NUBP1: variants seen among roughly 807,000 people sequenced by gnomAD.
NUBP1 encodes the protein cytosolic Fe-S cluster assembly factor NUBP1.
Under a neutral mutation model 41.8 loss-of-function variants are expected in NUBP1, and 46 were observed. The ratio of observed to expected loss-of-function variants is 1.10; its 90% CI spans 0.87 to 1.41. The LOEUF (loss-of-function observed/expected upper bound fraction) is 1.41. Ranked by LOEUF, NUBP1 falls within the 40% of genes most tolerant of loss-of-function variation. The probability of loss-of-function intolerance (pLI) is 0.00; values close to 1 mark genes in which losing one functional copy is unlikely to be tolerated. For synonymous variants in NUBP1, 189 were observed against 154.6 expected (o/e 1.22, Z -1.65); for missense variants, 494 against 414.0 (o/e 1.19, Z -1.68).
At chr16:10,753,290 C>T (rs935608283) in intron 4 of NUBP1, among the ~76,000 whole-genome samples, 26 of 152,150 alleles carry the variant, frequency 1.7e-4, no homozygotes, top group Admixed American at 1.2e-3. Context: ...AAGTAAGACA[C>T]GGAAATTTAG....
At chr16:10,750,092 G>A (rs1900250341) in intron 3 of NUBP1, among the ~76,000 whole-genome samples, 1 of 152,170 alleles carries the variant, frequency 6.6e-6, no homozygotes, top group South Asian at 2.1e-4. Context: ...CAGCTACTCA[G>A]GAGACTGAGG....
In NUBP1 at chr16:10,765,611, C is replaced by T. The variant is rs1044552072; in HGVS notation, c.821-2338C>T. On this transcript the variant is annotated intron_variant, in intron 9 of 10. Coordinates refer to ENST00000283027, the MANE Select transcript of NUBP1 (RefSeq NM_002484.4). The surrounding 1 kb of genome is among the most constrained non-coding windows in gnomAD (Gnocchi z 4.0). ...ATTGTCTGACAGATCAGGAAGTGACCTTGGGGCTATTAGATCCTGATACGG... is the reference window on the plus strand; with the variant it reads ...ATTGTCTGACAGATCAGGAAGTGACTTTGGGGCTATTAGATCCTGATACGG... Among the ~76,000 whole-genome samples the T allele has an allele frequency of 6.6e-6, 1 of 152,210 alleles. No homozygotes were observed. The highest frequency in any genetic ancestry group is 1.5e-5 in the Non-Finnish European group (1 of 68,038).
chr16:10,751,693 C>T (rs1490319680), intron 3 of NUBP1, among the ~76,000 whole-genome samples: 1 of 152,182 alleles, frequency 6.6e-6, no homozygotes, highest in African/African-American at 2.4e-5. Flanking sequence ...ATGGGGTCGC[C>T]TGAAGCTGCA....
In NUBP1 at chr16:10,752,616, C is replaced by T; in HGVS notation, c.265C>T (p.Leu89Phe). The change falls in exon 4 of 11, where the codon CTT becomes TTT. Residue 89 changes from leucine (L) to phenylalanine (F), a missense_variant. Coordinates refer to ENST00000283027, the MANE Select transcript of NUBP1 (RefSeq NM_002484.4). ...GGTCTCTTCTTGTCCCCAGATTGCT[C>T]TTCTAGACATCGATATATGTGGGCC... ...LAEDENTQIA[L>F]LDIDICGPSI... 1.2e-6 allele frequency: 2 copies of T among 1,613,500 alleles called. No homozygotes were observed. Among genetic ancestry groups the T allele is most frequent in the Non-Finnish European group, 8.5e-7 (1 of 1,179,604 alleles).
chr16:10,747,662 A>C lies in NUBP1; in HGVS notation c.258+386A>C, dbSNP rs1313054740. Among the ~76,000 whole-genome samples the C allele has an allele frequency of 3.3e-5, 5 of 152,314 alleles. 1 individual carries two copies. In the East Asian group the frequency reaches 9.6e-4, roughly 29 times the overall value. On this transcript the variant is annotated intron_variant, in intron 3 of 10. Coordinates refer to ENST00000283027, the MANE Select transcript of NUBP1 (RefSeq NM_002484.4). ...GAAAAAAAAATGATTCCTTATACTAAGTTGAATTGGCCTCTTTGGAATCTC... is the reference window on the plus strand; with the variant it reads ...GAAAAAAAAATGATTCCTTATACTACGTTGAATTGGCCTCTTTGGAATCTC...
rs1284768824 is a variant in NUBP1, at chr16:10,759,874, A to G, written c.607-1490A>G. On this transcript the variant is annotated intron_variant, in intron 7 of 10. Transcript: ENST00000283027. This position sits in a 1 kb window ranked among gnomAD's most constrained non-coding sequence, Gnocchi z 4.7. ...ATCCCAGCCTCAGTGTCAAGAGCCA[A>G]ACAGGCATCTCAGGAAAAGAACAGG... Among the ~76,000 whole-genome samples the G allele has an allele frequency of 6.6e-6, 1 of 152,248 alleles. No homozygotes were observed. Among genetic ancestry groups the G allele is most frequent in the Non-Finnish European group, 1.5e-5 (1 of 68,036 alleles).
At chr16:10,754,164 A>G (rs1199033425) in intron 4 of NUBP1, among the ~76,000 whole-genome samples, 1 of 152,188 alleles carries the variant, frequency 6.6e-6, no homozygotes, top group Non-Finnish European at 1.5e-5. Context: ...CTCTTTTAAG[A>G]CAAATGGACT....
intron 9 of NUBP1, among the ~76,000 whole-genome samples, chr16:10,764,720 T>A (rs2030598873): frequency 6.6e-6 from 1 of 151,390 alleles, no homozygotes; most frequent in Admixed American, 6.6e-5. Flanking sequence ...TGCTGGAGTA[T>A]GTCAGTCTGT....
chr16:10,762,771 C>T (rs191149519), intron 9 of NUBP1, among the ~76,000 whole-genome samples: 15 of 145,570 alleles, frequency 1.0e-4, no homozygotes, highest in Non-Finnish European at 1.7e-4. Flanking sequence ...AGGGGCCGGG[C>T]GGGTGAAGTA....
chr16:10,747,970 C>T (rs1900138787), intron 3 of NUBP1, among the ~76,000 whole-genome samples: 1 of 152,118 alleles, frequency 6.6e-6, no homozygotes, highest in Non-Finnish European at 1.5e-5. Flanking sequence ...TTGTTTGAGA[C>T]AGGATCTCAC....
Position 10,750,522 on chromosome 16 carries a change from G to A in NUBP1, c.259-2088G>A, listed in dbSNP as rs541320597. 3.9e-5 allele frequency among the ~76,000 whole-genome samples: 6 copies of A among 152,360 alleles called. No individual in the cohort carries two copies. In the South Asian group the frequency reaches 6.2e-4, roughly 16 times the overall value. ...CTCCCAAAGTTCTGAAATTATAGGC[G>A]TAAGCCACCACACCCAGCCACCATA... is the stretch of plus-strand genomic sequence containing the variant. On this transcript the variant is annotated intron_variant, in intron 3 of 10. Transcript: ENST00000283027.
chr16:10,746,351 C>T (rs1413114127), intron 2 of NUBP1, among the ~76,000 whole-genome samples: 1 of 152,194 alleles, frequency 6.6e-6, no homozygotes, highest in Non-Finnish European at 1.5e-5. Context: ...CAGGATCACT[C>T]TTTGTTGTGG....
In NUBP1 at chr16:10,749,497, C is replaced by T. The variant is rs1186856803; in HGVS notation, c.258+2221C>T. Among the ~76,000 whole-genome samples the T allele has an allele frequency of 1.3e-5, 2 of 152,094 alleles. No individual in the cohort carries two copies. The highest frequency in any genetic ancestry group is 3.9e-4 in the East Asian group (2 of 5,182). On this transcript the variant is annotated intron_variant, in intron 3 of 10. Transcript: ENST00000283027. The surrounding 1 kb of genome is among the most constrained non-coding windows in gnomAD (Gnocchi z 4.1). The stretch of plus-strand genomic sequence containing the variant: ...CACACCATTCAGTGTGGAAATATGG[C>T]TAGATCAGCTGTATTTTTTTATGCA...
At chr16:10,755,239 A>G (rs1900497975) in intron 4 of NUBP1, among the ~76,000 whole-genome samples, 1 of 151,996 alleles carries the variant, frequency 6.6e-6, no homozygotes, top group African/African-American at 2.4e-5. Flanking sequence ...TGCTGGGGGG[A>G]AGAGGTCTGA....
intron 4 of NUBP1, among the ~76,000 whole-genome samples, chr16:10,755,499 G>C (rs2142710409): frequency 6.6e-6 from 1 of 152,300 alleles, no homozygotes; most frequent in South Asian, 2.1e-4. Context: ...TCCAAGTAGA[G>C]TTTCCAAATA....
rs770990457 is a variant in NUBP1 at position 10,758,000 on chromosome 16, T to C, written c.579T>C (p.Asp193=). Residue 193 remains aspartate (D), a synonymous_variant, in exon 7 of 11, where the codon GAT becomes GAC. Coordinates refer to ENST00000283027, the MANE Select transcript of NUBP1 (RefSeq NM_002484.4). The surrounding 1 kb of genome is among the most constrained non-coding windows in gnomAD (Gnocchi z 4.1). The part of the protein sequence containing the change: ...VVRYLATAHI[D]GAVIITTPQE... ...GGTACCTGGCCACAGCACACATCGA[T>C]GGAGCAGTGATCATCACCACTCCCC... 1.9e-6 allele frequency: 3 copies of C among 1,614,088 alleles called. No individual in the cohort carries two copies. The highest frequency in any genetic ancestry group is 2.5e-6 in the Non-Finnish European group (3 of 1,180,024).
chr16:10,744,092 G>A (rs1899944262), intron 2 of NUBP1, 27 bp downstream of exon 2: 2 of 1,328,866 alleles, frequency 1.5e-6, no homozygotes, highest in African/African-American at 1.5e-5. Context: ...GCCTCAACAG[G>A]AACTTAGAGG....
At chr16:10,744,718 TA>T (rs889411372) in intron 2 of NUBP1, among the ~76,000 whole-genome samples, 12 of 152,228 alleles carry the variant, frequency 7.9e-5, no homozygotes, top group African/African-American at 2.9e-4. Context: ...AGAAGGACCT[TA>T]AAAAGCAGGA....
At position 10,768,977 on chromosome 16, in the gene NUBP1, C is replaced by T. The variant is rs2031300888; in HGVS notation, c.905-70C>T. 2 of 1,415,302 alleles carry T rather than the reference C, an allele frequency of 1.4e-6. No individual in the cohort carries two copies. Among genetic ancestry groups the T allele is most frequent in the Non-Finnish European group, 2.0e-6 (2 of 1,002,064 alleles). 87.7% of individuals were successfully genotyped at this position (1,415,302 alleles called of 1,614,324 possible). On this transcript the variant is annotated intron_variant, in intron 10 of 10. Transcript: ENST00000283027. This position sits in a 1 kb window ranked among gnomAD's most constrained non-coding sequence, Gnocchi z 4.3. ...ACCCCTGTCAAAACACAGCCCTCCC[C>T]AGCACAGGACAGGGCTGTCAAGGGG... is the stretch of plus-strand genomic sequence containing the variant.
Sources: gnomAD v4.1 joint callset for allele counts (sites outside exome capture counted in the v4.1 genomes callset) on GRCh38, gnomAD v4.1.1 for gene constraint, Gnocchi (gnomAD v3.1) non-coding constraint, MANE v1.5 for transcripts, NCBI Gene and HGNC (gene_info 2026-07-23, HGNC 2026-07-21) for gene names.